OR3A2: variants seen among roughly 807,000 people sequenced by gnomAD.
OR3A2 encodes olfactory receptor 3A2.
For missense variants in OR3A2, 318 were observed against 392.8 expected, an observed-to-expected ratio of 0.81 and a Z score of 1.61; for synonymous variants, 126 against 159.3, an observed-to-expected ratio of 0.79 and a Z score of 1.57.
intron 2 of OR3A2, among the ~76,000 whole-genome samples, chr17:3,358,703 G>C (rs1250793224): frequency 1.3e-5 from 2 of 151,630 alleles, no homozygotes; most frequent in African/African-American, 4.9e-5. Context: ...CTAATTATGT[G>C]GTTAATTTTC....
At chr17:3,292,004 G>A in intron 3 of OR3A2, 1 of 1,614,226 alleles carries the variant, frequency 6.2e-7, no homozygotes, top group South Asian at 1.1e-5. Context: ...GTTGGGTGCT[G>A]GAGCAGGAGA....
chr17:3,382,151 G>A (rs551054359), intron 2 of OR3A2, among the ~76,000 whole-genome samples: 8 of 152,088 alleles, frequency 5.3e-5, no homozygotes, highest in Non-Finnish European at 1.2e-4. Context: ...GTAGGGAGGA[G>A]CATACAGGGA....
intron 2 of OR3A2, among the ~76,000 whole-genome samples, chr17:3,359,740 G>A (rs1212553306): frequency 6.6e-6 from 1 of 151,652 alleles, no homozygotes; most frequent in African/African-American, 2.4e-5. Flanking sequence ...TCCCTACAAA[G>A]GACATGAACT....
intron 2 of OR3A2, among the ~76,000 whole-genome samples, chr17:3,377,186 TGA>T (rs1297978674): frequency 5.3e-5 from 8 of 152,218 alleles, no homozygotes; most frequent in Non-Finnish European, 1.0e-4. Context: ...GTTCACAATG[TGA>T]GTCTCCACAC....
chr17:3,334,231 C>A (rs1032511839), intron 3 of OR3A2, among the ~76,000 whole-genome samples: 3 of 151,942 alleles, frequency 2.0e-5, no homozygotes, highest in Admixed American at 2.0e-4. Context: ...GAAATACCAT[C>A]TTTACTATTT....
chr17:3,373,510 T>C (rs2049651901), intron 2 of OR3A2, among the ~76,000 whole-genome samples: 1 of 152,212 alleles, frequency 6.6e-6, no homozygotes, highest in Admixed American at 6.5e-5. Context: ...TTGTGATATT[T>C]TCCTGTTGGA....
At chr17:3,323,899 C>T (rs1314175006) in intron 3 of OR3A2, among the ~76,000 whole-genome samples, 17 of 151,928 alleles carry the variant, frequency 1.1e-4, no homozygotes, top group Admixed American at 4.6e-4. Flanking sequence ...ATTTGAATGT[C>T]GGCCTGCCTT....
At position 3,335,349 on chromosome 17, in the gene OR3A2, T is replaced by C. The variant is rs1250041331; in HGVS notation, c.-85+684A>G. Reference sequence around the variant, plus strand: ...ATTTCTTTGTGCCTTCTTCCTTTTCTTGTATGCCTGGAATATTAATCTAGC... The same window carrying C: ...ATTTCTTTGTGCCTTCTTCCTTTTCCTGTATGCCTGGAATATTAATCTAGC... On this transcript the variant is annotated intron_variant, in intron 3 of 4. Transcript: ENST00000573491. Among the ~76,000 whole-genome samples, 3 of 152,186 alleles carry C rather than the reference T, an allele frequency of 2.0e-5. No individual in the cohort carries two copies. In the East Asian group the frequency reaches 5.8e-4, roughly 29 times the overall value.
At chr17:3,362,053 T>C (rs1419584755) in intron 2 of OR3A2, among the ~76,000 whole-genome samples, 1 of 151,680 alleles carries the variant, frequency 6.6e-6, no homozygotes, top group African/African-American at 2.4e-5. Flanking sequence ...TCCTGGACTT[T>C]TTTTGGTTGG....
chr17:3,343,201 C>T (rs888360962), intron 2 of OR3A2, among the ~76,000 whole-genome samples: 6 of 152,136 alleles, frequency 3.9e-5, no homozygotes, highest in South Asian at 4.1e-4. Context: ...TCCCCTGACC[C>T]CTTGCACTTC....
At chr17:3,306,236 C>T (rs985045326) in intron 3 of OR3A2, among the ~76,000 whole-genome samples, 40 of 152,278 alleles carry the variant, frequency 2.6e-4, no homozygotes, top group African/African-American at 8.2e-4. Context: ...AACGCAGCCT[C>T]AAACTCCTGG....
intron 2 of OR3A2, among the ~76,000 whole-genome samples, chr17:3,381,080 G>A (rs562349479): frequency 2.6e-5 from 4 of 151,962 alleles, no homozygotes; most frequent in East Asian, 1.9e-4. Context: ...AGGTGTCTAC[G>A]TCTGTGTGTA....
At chr17:3,326,947 C>T (rs1301103636) in intron 3 of OR3A2, among the ~76,000 whole-genome samples, 4 of 101,158 alleles carry the variant, frequency 4.0e-5, no homozygotes, top group Non-Finnish European at 7.4e-5. Context: ...TTAATCCAGT[C>T]TATCATTGTT....
At chr17:3,323,398 T>C (rs2049142458) in intron 3 of OR3A2, among the ~76,000 whole-genome samples, 1 of 152,118 alleles carries the variant, frequency 6.6e-6, no homozygotes, top group Non-Finnish European at 1.5e-5. Context: ...GATCTTGTCA[T>C]TATGATGTCA....
At chr17:3,332,380 C>A (rs1376516235) in intron 3 of OR3A2, among the ~76,000 whole-genome samples, 1 of 152,218 alleles carries the variant, frequency 6.6e-6, no homozygotes, top group Non-Finnish European at 1.5e-5. Flanking sequence ...GGGCGTAGGA[C>A]CCTCCGAGCC....
intron 2 of OR3A2, among the ~76,000 whole-genome samples, chr17:3,377,134 T>C (rs1046812823): frequency 1.3e-5 from 2 of 152,184 alleles, no homozygotes; most frequent in African/African-American, 2.4e-5. Context: ...TGAATTCTTT[T>C]GGTTTTGCTT....
At position 3,326,783 on chromosome 17, in the gene OR3A2, T is replaced by G. The variant is rs1014570717; in HGVS notation, c.-85+9250A>C. ...GTGATCTCATTGTTCAATTCCCACC[T>G]ATGAGTGAGAATATGCAGTGTTTGG... On this transcript the variant is annotated intron_variant, in intron 3 of 4. Transcript: ENST00000573491. Among the ~76,000 whole-genome samples the G allele has an allele frequency of 2.1e-5, 3 of 140,562 alleles. No homozygotes were observed. The East Asian group carries it at 6.5e-4, about 31-fold the overall frequency. 92.2% of individuals were successfully genotyped at this position (140,562 alleles called of 152,430 possible). A position where few individuals can be genotyped will look rare whatever the true frequency, so the allele number is the denominator to read the frequency against.
intron 3 of OR3A2, chr17:3,310,903 A>C: frequency 2.7e-6 from 2 of 731,210 alleles, no homozygotes; most frequent in Non-Finnish European, 4.6e-6. Flanking sequence ...GTTCATCTCA[A>C]TGGGCAGTTG....
Position 3,378,686 on chromosome 17 carries a change from C to T in OR3A2, c.-179+5118G>A, listed in dbSNP as rs148120469. Among the ~76,000 whole-genome samples, 771 of 152,270 alleles carry T rather than the reference C, an allele frequency of 5.1e-3. 3 individuals are homozygous for T. The highest frequency in any genetic ancestry group is 0.018 in the African/African-American group (735 of 41,536). Reference sequence around the variant, plus strand: ...GCAGCAGCTGCTCCAGATGGGCCACCACTATCACTTCTGCATAAACTATGG... The same window carrying T: ...GCAGCAGCTGCTCCAGATGGGCCACTACTATCACTTCTGCATAAACTATGG... On this transcript the variant is annotated intron_variant, in intron 2 of 4. Transcript: ENST00000573491.
Sources: gnomAD v4.1 joint callset for allele counts (sites outside exome capture counted in the v4.1 genomes callset) on GRCh38, gnomAD v4.1.1 for gene constraint, MANE v1.5 for transcripts, NCBI Gene and HGNC (gene_info 2026-07-23, HGNC 2026-07-21) for gene names.